PPARGC1A: variants seen among roughly 807,000 people sequenced by gnomAD.
PPARGC1A encodes peroxisome proliferator-activated receptor gamma coactivator 1-alpha.
A neutral mutation model predicts 88.7 loss-of-function variants in PPARGC1A; 25 were observed. That is an observed-to-expected ratio of 0.28 (90% CI 0.21 to 0.39). PPARGC1A has a LOEUF of 0.39. PPARGC1A is among the 10% of genes least tolerant of loss of function. The pLI is 1.00. For missense variants in PPARGC1A, 880 were observed against 968.7 expected (o/e 0.91, Z 1.22); for synonymous variants, 363 against 355.6 (o/e 1.02, Z -0.24).
the PPARGC1A span, among the ~76,000 whole-genome samples, chr4:24,278,042 G>A: frequency 1.3e-5 from 2 of 152,042 alleles, no homozygotes; most frequent in Non-Finnish European, 2.9e-5. Flanking sequence ...CGGCGTGGTG[G>A]CTCATGCTTG....
In PPARGC1A at chr4:23,814,467, G is replaced by A. The variant is rs1297652485; in HGVS notation, c.1016C>T (p.Thr339Ile). The A allele has an allele frequency of 6.2e-7, 1 of 1,613,618 alleles. No individual in the cohort carries two copies. Among genetic ancestry groups the A allele is most frequent in the Non-Finnish European group, 8.5e-7 (1 of 1,179,928 alleles). ...KKPRYSESSG[T>I]QGNNSTKKGP... Reference sequence around the variant, plus strand: ...TTTCTTGGTGGAGTTATTGCCTTGTGTACCAGAAGACTCACTGTACCTGGG... The same window carrying A: ...TTTCTTGGTGGAGTTATTGCCTTGTATACCAGAAGACTCACTGTACCTGGG... Residue 339 changes from threonine (T) to isoleucine (I), a missense_variant, in exon 8 of 13, where the codon ACA (threonine) becomes ATA (isoleucine). By Grantham distance (89) the Thr-to-Ile change is moderately conservative. Coordinates refer to ENST00000264867, the MANE Select transcript of PPARGC1A (RefSeq NM_013261.5).
At chr4:24,138,658 TC>T in the PPARGC1A span, among the ~76,000 whole-genome samples, 1 of 152,162 alleles carries the variant, frequency 6.6e-6, no homozygotes, top group Non-Finnish European at 1.5e-5. Context: ...CCCTGCTTGT[TC>T]TTGTTAAGCA....
the PPARGC1A span, among the ~76,000 whole-genome samples, chr4:24,076,051 C>A: frequency 6.6e-6 from 1 of 152,136 alleles, no homozygotes; most frequent in African/African-American, 2.4e-5. Flanking sequence ...TTTAACATTA[C>A]AAATATGTTC....
chr4:23,950,297 C>T, the PPARGC1A span, among the ~76,000 whole-genome samples: 1 of 151,998 alleles, frequency 6.6e-6, no homozygotes, highest in Admixed American at 6.6e-5. Context: ...TTTCTGTACC[C>T]ACCTCCTCTA....
chr4:23,828,593 T>C lies in PPARGC1A; in HGVS notation c.564A>G (p.Ser188=). 6.2e-7 allele frequency: 1 copy of C among 1,614,076 alleles called. No homozygotes were observed. Among genetic ancestry groups the C allele is most frequent in the Non-Finnish European group, 8.5e-7 (1 of 1,179,948 alleles). ...TNPAIVKTEN[S]WSNKAKSICQ... ...AAATACTCTTCGCTTTATTGCTCCATGAATTCTCAGTCTTAAAAACAAGGC... is the reference window on the plus strand; with the variant it reads ...AAATACTCTTCGCTTTATTGCTCCACGAATTCTCAGTCTTAAAAACAAGGC... The change falls in exon 5 of 13, where the codon TCA becomes TCG. Residue 188 remains serine (S), a synonymous_variant. Coordinates refer to ENST00000264867, the MANE Select transcript of PPARGC1A (RefSeq NM_013261.5).
chr4:23,843,002 T>G (rs1472634492), intron 2 of PPARGC1A, among the ~76,000 whole-genome samples: 4 of 152,136 alleles, frequency 2.6e-5, no homozygotes, highest in Non-Finnish European at 4.4e-5. Context: ...GCCTAGTTGT[T>G]TTATGGTCTG....
the PPARGC1A span, among the ~76,000 whole-genome samples, chr4:23,966,644 G>T: frequency 1.3e-5 from 2 of 152,124 alleles, no homozygotes; most frequent in African/African-American, 4.8e-5. Context: ...ATTTAAAATG[G>T]GTATCAGCAG....
At chr4:24,392,823 T>G in the PPARGC1A span, among the ~76,000 whole-genome samples, 1 of 152,132 alleles carries the variant, frequency 6.6e-6, no homozygotes, top group Non-Finnish European at 1.5e-5. Flanking sequence ...CAAAGCTCCT[T>G]ATCTAAGACT....
At chr4:24,412,013 C>A in the PPARGC1A span, among the ~76,000 whole-genome samples, 69 of 152,178 alleles carry the variant, frequency 4.5e-4, 3 homozygotes, top group Non-Finnish European at 2.9e-5. Context: ...GTTTTCATCT[C>A]CGTTTGGGTA....
chr4:24,375,454 G>T, the PPARGC1A span, among the ~76,000 whole-genome samples: 1 of 152,068 alleles, frequency 6.6e-6, no homozygotes, highest in Non-Finnish European at 1.5e-5. Context: ...AGTCGAACAG[G>T]GCATAGACCA....
At chr4:23,829,273 G>A (rs1161834696) in intron 4 of PPARGC1A, among the ~76,000 whole-genome samples, 190 bp downstream of exon 4, 1 of 152,196 alleles carries the variant, frequency 6.6e-6, no homozygotes, top group East Asian at 1.9e-4. Context: ...AAGACGATGC[G>A]TAAATGAACT....
chr4:24,083,003 G>A, the PPARGC1A span, among the ~76,000 whole-genome samples: 1 of 152,170 alleles, frequency 6.6e-6, no homozygotes, highest in African/African-American at 2.4e-5. Flanking sequence ...CACTGGATTG[G>A]TTTATTTGCA....
the PPARGC1A span, among the ~76,000 whole-genome samples, chr4:23,937,255 C>T: frequency 2.6e-5 from 4 of 152,026 alleles, no homozygotes; most frequent in East Asian, 3.9e-4. Flanking sequence ...ATCTGCCTTT[C>T]GTTTATTTAT....
the PPARGC1A span, among the ~76,000 whole-genome samples, chr4:23,998,965 C>G: frequency 6.6e-6 from 1 of 152,198 alleles, no homozygotes; most frequent in African/African-American, 2.4e-5. Flanking sequence ...TGATTTATTA[C>G]GTGTCATGCA....
the PPARGC1A span, among the ~76,000 whole-genome samples, chr4:24,204,222 G>C: frequency 6.6e-6 from 1 of 152,138 alleles, no homozygotes; most frequent in East Asian, 1.9e-4. Context: ...GGAGCCAAAA[G>C]GGGCTTTTCT....
the PPARGC1A span, among the ~76,000 whole-genome samples, chr4:24,387,814 AAGAAAGAAAGAGAGAAAGAG>A: frequency 9.3e-6 from 1 of 107,986 alleles, no homozygotes; most frequent in East Asian, 2.8e-4. Flanking sequence ...GAAAGAAAGA[AAGAAAGAAAGAGAGAAAGAG>A]AGAAAGAGAG....
chr4:24,068,725 A>G, the PPARGC1A span, among the ~76,000 whole-genome samples: 3 of 152,180 alleles, frequency 2.0e-5, no homozygotes, highest in Non-Finnish European at 4.4e-5. Context: ...CATAGCCCAG[A>G]CAGACTGATG....
the PPARGC1A span, among the ~76,000 whole-genome samples, chr4:24,033,022 AC>A: frequency 6.6e-6 from 1 of 152,228 alleles, no homozygotes; most frequent in African/African-American, 2.4e-5. Context: ...AAGTCACAAA[AC>A]TTGTATGTAG....
chr4:24,070,251 G>A, the PPARGC1A span, among the ~76,000 whole-genome samples: 1 of 152,118 alleles, frequency 6.6e-6, no homozygotes, highest in South Asian at 2.1e-4. Flanking sequence ...TAGCCAAGTG[G>A]AGTCCTTCTG....
Sources: allele counts gnomAD v4.1 joint callset (sites outside exome capture counted in the v4.1 genomes callset), GRCh38; gene constraint gnomAD v4.1.1; transcripts MANE v1.5; gene names NCBI Gene and HGNC (gene_info 2026-07-23, HGNC 2026-07-21).